XYLT1: variants seen among roughly 807,000 people sequenced by gnomAD.
XYLT1 encodes the protein beta-D-xylosyltransferase 1.
A neutral mutation model predicts 91.3 loss-of-function variants in XYLT1; 36 were observed. That is an observed-to-expected ratio of 0.39 (90% CI 0.30 to 0.52). The LOEUF is 0.52. Ranked by LOEUF, XYLT1 falls within the 20% of genes least tolerant of loss-of-function variation. The pLI is 0.68. For missense variants in XYLT1, 1,242 were observed against 1,284.5 expected (o/e 0.97, Z 0.51); for synonymous variants, 588 against 532.0 (o/e 1.11, Z -1.45).
At chr16:17,421,628 G>A (rs534666581) in intron 1 of XYLT1, among the ~76,000 whole-genome samples, 1 of 152,266 alleles carries the variant, frequency 6.6e-6, no homozygotes, top group South Asian at 2.1e-4. Flanking sequence ...GAAACAGACA[G>A]AGGGGTCAAG....
chr16:17,226,730 C>G (rs2033072938), intron 3 of XYLT1, among the ~76,000 whole-genome samples: 1 of 152,118 alleles, frequency 6.6e-6, no homozygotes, highest in Non-Finnish European at 1.5e-5. Context: ...TTGCAGTGAG[C>G]CGAGATCACA....
intron 3 of XYLT1, among the ~76,000 whole-genome samples, chr16:17,253,046 C>T (rs904581922): frequency 6.6e-6 from 1 of 152,154 alleles, no homozygotes; most frequent in Admixed American, 6.5e-5. Context: ...AGCTCAAATC[C>T]CTCCTAAGCA....
At chr16:17,320,401 A>C (rs922965516) in intron 2 of XYLT1, among the ~76,000 whole-genome samples, 2 of 152,088 alleles carry the variant, frequency 1.3e-5, no homozygotes, top group African/African-American at 4.8e-5. Flanking sequence ...GCTTACATCC[A>C]AAACCTCTTT....
At chr16:17,255,324 A>T (rs1235693154) in intron 3 of XYLT1, among the ~76,000 whole-genome samples, 1 of 152,084 alleles carries the variant, frequency 6.6e-6, no homozygotes, top group Admixed American at 6.5e-5. Context: ...GTTAGGTTTA[A>T]TGGGAACATA....
intron 2 of XYLT1, among the ~76,000 whole-genome samples, chr16:17,303,453 A>G (rs1447324511): frequency 6.6e-6 from 1 of 152,154 alleles, no homozygotes; most frequent in African/African-American, 2.4e-5. Context: ...AGCTGCTATT[A>G]CTGTTGCTGT....
At chr16:17,353,721 G>A (rs1354462779) in intron 2 of XYLT1, among the ~76,000 whole-genome samples, 1 of 95,162 alleles carries the variant, frequency 1.1e-5, no homozygotes, top group South Asian at 3.0e-4. Context: ...CTATCTGTCC[G>A]TCTGTCTATC....
intron 5 of XYLT1, among the ~76,000 whole-genome samples, chr16:17,169,935 G>A (rs2031786257): frequency 6.6e-6 from 1 of 152,208 alleles, no homozygotes; most frequent in South Asian, 2.1e-4. Context: ...AAGTAGGAAA[G>A]CCAAGACACG....
chr16:17,422,624 C>T (rs2036263808), intron 1 of XYLT1, among the ~76,000 whole-genome samples: 1 of 152,256 alleles, frequency 6.6e-6, no homozygotes, highest in African/African-American at 2.4e-5. Flanking sequence ...ATTCTCCTGT[C>T]AGCCTCCCAA....
At chr16:17,368,138 G>C (rs12148990) in intron 1 of XYLT1, among the ~76,000 whole-genome samples, 2 of 151,936 alleles carry the variant, frequency 1.3e-5, no homozygotes, top group South Asian at 2.1e-4. Context: ...CACAAACCAC[G>C]GGGGGCGGAA....
intron 1 of XYLT1, among the ~76,000 whole-genome samples, chr16:17,398,592 T>C (rs954800668): frequency 6.6e-6 from 1 of 152,086 alleles, no homozygotes; most frequent in African/African-American, 2.4e-5. Context: ...ACAATCAAAA[T>C]GTATTGCCTC....
intron 1 of XYLT1, among the ~76,000 whole-genome samples, chr16:17,445,419 T>C (rs1009258946): frequency 6.6e-6 from 1 of 152,216 alleles, no homozygotes; most frequent in African/African-American, 2.4e-5. Context: ...GGTGACCACA[T>C]AGAGTGAGTC....
At chr16:17,326,238 C>T (rs1029998414) in intron 2 of XYLT1, among the ~76,000 whole-genome samples, 8 of 152,072 alleles carry the variant, frequency 5.3e-5, no homozygotes, top group Non-Finnish European at 7.4e-5. Context: ...AGGTGCTATG[C>T]TGTCCAGCAG....
chr16:17,426,093 T>C (rs2036314845), intron 1 of XYLT1, among the ~76,000 whole-genome samples: 1 of 152,164 alleles, frequency 6.6e-6, no homozygotes, highest in South Asian at 2.1e-4. Context: ...TTAACAAATA[T>C]TCATGGAGCA....
At chr16:17,304,403 A>G (rs4782011) in intron 2 of XYLT1, among the ~76,000 whole-genome samples, 2,087 of 152,274 alleles carry the variant, frequency 0.014, 69 homozygotes, top group Admixed American at 0.079. Context: ...TGCCAACACA[A>G]TACTGTCCTC....
Position 17,134,689 on chromosome 16 carries a change from A to C in XYLT1, c.1811T>G (p.Val604Gly). The C allele has an allele frequency of 6.2e-7, 1 of 1,614,112 alleles. No homozygotes were observed. The change falls in exon 9 of 12, where the codon GTG becomes GGG. Residue 604 changes from valine (V) to glycine (G), a missense_variant. Val to Gly is a moderately radical substitution (Grantham distance 109, BLOSUM62 -3). Coordinates refer to ENST00000261381, the MANE Select transcript of XYLT1 (RefSeq NM_022166.4). ...TFFARKFEAV[V>G]NQEIIGQLDY... ...CAGCTGCCCAATGATTTCCTGATTC[A>C]CCACGGCTTCAAACTTGCGGGCAAA... is the stretch of plus-strand genomic sequence containing the variant.
At chr16:17,228,431 G>A (rs2033104813) in intron 3 of XYLT1, among the ~76,000 whole-genome samples, 1 of 152,128 alleles carries the variant, frequency 6.6e-6, no homozygotes, top group African/African-American at 2.4e-5. Context: ...GTTTAATAAG[G>A]TGTCACCTAA....
chr16:17,309,926 G>A (rs976263976), intron 2 of XYLT1, among the ~76,000 whole-genome samples: 3 of 152,164 alleles, frequency 2.0e-5, no homozygotes, highest in Non-Finnish European at 2.9e-5. Flanking sequence ...AGGTCACGGG[G>A]GTAGGGGCCC....
At chr16:17,142,805 T>C (rs2141522291) in intron 6 of XYLT1, among the ~76,000 whole-genome samples, 2 of 152,236 alleles carry the variant, frequency 1.3e-5, no homozygotes, top group South Asian at 4.2e-4. Context: ...CTGCACCAAC[T>C]ATAATGTGAC....
intron 1 of XYLT1, among the ~76,000 whole-genome samples, chr16:17,364,452 T>C (rs2035423391): frequency 6.6e-6 from 1 of 151,890 alleles, no homozygotes; most frequent in East Asian, 1.9e-4. Context: ...ATACTGTACA[T>C]AGTTACAACC....
Sources: allele counts gnomAD v4.1 joint callset (sites outside exome capture counted in the v4.1 genomes callset), GRCh38; gene constraint gnomAD v4.1.1; transcripts MANE v1.5; gene names NCBI Gene and HGNC (gene_info 2026-07-23, HGNC 2026-07-21).